Variants in FAM228B observed in about 807,000 individuals in gnomAD.
The protein encoded by FAM228B is protein FAM228B.
Under a neutral mutation model 42.6 loss-of-function variants are expected in FAM228B, and 38 were observed. That is an observed-to-expected ratio of 0.89 (90% CI 0.69 to 1.17). The LOEUF is 1.17. FAM228B is among the 50% of genes most tolerant of loss of function. The pLI, the probability that FAM228B is intolerant of heterozygous loss-of-function variation, is 0.00. For missense variants in FAM228B, 344 were observed against 367.3 expected (o/e 0.94, Z 0.52); for synonymous variants, 109 against 122.3 (o/e 0.89, Z 0.72).
chr2:24,167,014 G>A (rs752319427), intron 9 of FAM228B, among the ~76,000 whole-genome samples: 2 of 152,178 alleles, frequency 1.3e-5, no homozygotes, highest in East Asian at 1.9e-4. Flanking sequence ...GTTACAGGCC[G>A]GGAAAGGGAG....
At chr2:24,079,751 G>C in intron 1 of FAM228B, 2 of 1,038,514 alleles carry the variant, frequency 1.9e-6, no homozygotes, top group Non-Finnish European at 2.8e-6. Flanking sequence ...AAATCTATAG[G>C]TTGGAATTAG....
intron 5 of FAM228B, among the ~76,000 whole-genome samples, chr2:24,141,839 G>C (rs1393086673): frequency 6.6e-6 from 1 of 152,010 alleles, no homozygotes; most frequent in Non-Finnish European, 1.5e-5. Context: ...TCATGCTGTG[G>C]GCTTGTGTCA....
chr2:24,139,245 A>T, intron 4 of FAM228B, 125 bp from the exon 5 acceptor site: 1 of 448,962 alleles, frequency 2.2e-6, no homozygotes, highest in Non-Finnish European at 3.9e-6. Flanking sequence ...TTCTTTTTGC[A>T]TTTGTCACTG....
chr2:24,135,229 TGTA>T, intron 3 of FAM228B, 42 bp downstream of exon 3: 1 of 1,179,332 alleles, frequency 8.5e-7, no homozygotes, highest in Admixed American at 2.7e-5. Flanking sequence ...AAAAATTAAA[TGTA>T]GTTTTTCCTT....
At chr2:24,144,336 TG>T (rs1021039677) in intron 5 of FAM228B, among the ~76,000 whole-genome samples, 1 of 151,796 alleles carries the variant, frequency 6.6e-6, no homozygotes, top group African/African-American at 2.4e-5. Flanking sequence ...ACTCGGGAGG[TG>T]GAGGTGGGAG....
intron 8 of FAM228B, among the ~76,000 whole-genome samples, 165 bp downstream of exon 8, chr2:24,161,778 C>T (rs780871398): frequency 1.3e-5 from 2 of 152,168 alleles, no homozygotes; most frequent in Non-Finnish European, 2.9e-5. Flanking sequence ...GGTGAGGTGG[C>T]AACACTTCCC....
At chr2:24,153,953 AG>A (rs1667075290) in intron 7 of FAM228B, among the ~76,000 whole-genome samples, 1 of 152,238 alleles carries the variant, frequency 6.6e-6, no homozygotes, top group South Asian at 2.1e-4. Context: ...GGCTGAGCCC[AG>A]CATGGCTTTA....
intron 3 of FAM228B, among the ~76,000 whole-genome samples, chr2:24,097,712 TAGAC>T (rs1433790174): frequency 4.6e-5 from 7 of 152,108 alleles, no homozygotes; most frequent in Non-Finnish European, 8.8e-5. Flanking sequence ...CTGTCAATAT[TAGAC>T]AGATCAACGA....
upstream of FAM228B, chr2:24,122,326 C>CA (rs71397404): frequency 0.15 from 103,751 of 708,362 alleles, 170 homozygotes; most frequent in East Asian, 0.18. Context: ...AATTCCGTCT[C>CA]AAAAAAAAAA....
At chr2:24,096,872 G>T (rs1665507138) in intron 3 of FAM228B, 1 of 152,090 alleles carries the variant, frequency 6.6e-6, no homozygotes, top group Non-Finnish European at 1.5e-5. Context: ...AAGTGTTAAG[G>T]GCAGCCAAAG....
intron 3 of FAM228B, chr2:24,115,440 A>T: frequency 1.5e-6 from 1 of 656,140 alleles, no homozygotes; most frequent in Non-Finnish European, 2.6e-6. Flanking sequence ...GATCTCTGGA[A>T]GTAATAAAAA....
intron 2 of FAM228B, among the ~76,000 whole-genome samples, chr2:24,086,599 C>T (rs1481539656): frequency 6.6e-6 from 1 of 151,418 alleles, no homozygotes; most frequent in African/African-American, 2.4e-5. Context: ...CTCCTGGACT[C>T]AAGCAATCCT....
chr2:24,080,625 G>A lies in FAM228B; in HGVS notation c.-289-251G>A. ...CTTATCTCTTGCAAGAATGCACATG[G>A]AAACCATCTTAGATTTAAATATGAC... On this transcript the variant is annotated intron_variant, in intron 1 of 10. Transcript: ENST00000613899. The surrounding 1 kb of genome is among the most constrained non-coding windows in gnomAD (Gnocchi z 4.7). The A allele has an allele frequency of 1.5e-6, 1 of 666,204 alleles. No homozygotes were observed. The allele number at this position is 666,204 out of a possible 1,614,324, so 41.3% of individuals were successfully genotyped here.
At chr2:24,087,599 C>T (rs915821249) in intron 2 of FAM228B, among the ~76,000 whole-genome samples, 1 of 151,814 alleles carries the variant, frequency 6.6e-6, no homozygotes, top group African/African-American at 2.4e-5. Context: ...AGATTACACG[C>T]TATAAGAATT....
chr2:24,122,434 T>TGCTACG, upstream of FAM228B: 1 of 1,612,704 alleles, frequency 6.2e-7, no homozygotes, highest in South Asian at 1.1e-5. Context: ...AACCTGGTGA[T>TGCTACG]GCTACACACA....
intron 3 of FAM228B, among the ~76,000 whole-genome samples, chr2:24,105,097 G>A (rs1004624410): frequency 3.9e-5 from 6 of 152,196 alleles, no homozygotes; most frequent in South Asian, 2.1e-4. Context: ...CCACCCCCGC[G>A]TCCTGTAGCC....
chr2:24,156,896 A>T (rs1193024788), intron 7 of FAM228B, among the ~76,000 whole-genome samples: 2 of 147,054 alleles, frequency 1.4e-5, no homozygotes, highest in African/African-American at 2.5e-5. Context: ...TTGGGTTTGG[A>T]TGGTTCTTGT....
At chr2:24,115,057 C>A (rs2111886) in intron 3 of FAM228B, among the ~76,000 whole-genome samples, 152,299 of 152,318 alleles carry the variant, frequency 1, 76,140 homozygotes, top group Non-Finnish European at 1. Context: ...CAAGTCTCAC[C>A]GGGGTGATGT....
At position 24,078,486 on chromosome 2, in the gene FAM228B, A is replaced by T. The variant is rs1422296281; in HGVS notation, c.-290+1517A>T. 2.6e-5 allele frequency among the ~76,000 whole-genome samples: 4 copies of T among 151,298 alleles called. No homozygotes were observed. The East Asian group carries it at 5.8e-4, about 22-fold the overall frequency. ...GAGTAAGACCCTGTCTCCATAAAAA[A>T]AAAAAAAAAAAAAAAAAGTACATGC... On this transcript the variant is annotated intron_variant, in intron 1 of 10. Transcript: ENST00000613899.
Sources: allele counts gnomAD v4.1 joint callset (sites outside exome capture counted in the v4.1 genomes callset), GRCh38; gene constraint gnomAD v4.1.1; non-coding constraint Gnocchi (gnomAD v3.1); transcripts MANE v1.5; gene names NCBI Gene and HGNC (gene_info 2026-07-23, HGNC 2026-07-21).